EYS: variants seen among roughly 807,000 people sequenced by gnomAD.
EYS encodes protein eyes shut homolog.
A neutral mutation model predicts 282.1 loss-of-function variants in EYS; 250 were observed. The observed-to-expected ratio is 0.89, with a 90% confidence interval of 0.80 to 0.98. The LOEUF is 0.98. Ranked by LOEUF, EYS falls within the 50% of genes least tolerant of loss-of-function variation. EYS has a pLI of 0.00. For synonymous variants in EYS, 1,355 were observed against 1,282.9 expected, an observed-to-expected ratio of 1.06 and a Z score of -1.20; for missense variants, 4,016 against 3,709.0, an observed-to-expected ratio of 1.08 and a Z score of -2.15.
At chr6:64,431,964 G>A (rs1011476006) in intron 28 of EYS, among the ~76,000 whole-genome samples, 1 of 152,048 alleles carries the variant, frequency 6.6e-6, no homozygotes, top group Non-Finnish European at 1.5e-5. Flanking sequence ...GTCATTTACT[G>A]TTTATATAAA....
At chr6:65,000,419 CTGAA>C (rs1314513801) in intron 13 of EYS, among the ~76,000 whole-genome samples, 3 of 152,216 alleles carry the variant, frequency 2.0e-5, no homozygotes, top group Admixed American at 6.5e-5. Context: ...ACTGGTTGTA[CTGAA>C]TGAAAGTTTG....
chr6:65,310,939 G>T (rs1489235357), intron 11 of EYS, among the ~76,000 whole-genome samples: 1 of 151,930 alleles, frequency 6.6e-6, no homozygotes, highest in Non-Finnish European at 1.5e-5. Flanking sequence ...TTACTAGAAG[G>T]TTAGTTCTGT....
chr6:64,350,073 G>A (rs2150402571), intron 29 of EYS, among the ~76,000 whole-genome samples: 1 of 151,500 alleles, frequency 6.6e-6, no homozygotes, highest in Middle Eastern at 3.4e-3. Context: ...TGTAACTCTA[G>A]ATTCTGTATT....
At chr6:65,283,100 C>T (rs1291969354) in intron 12 of EYS, among the ~76,000 whole-genome samples, 2 of 151,896 alleles carry the variant, frequency 1.3e-5, no homozygotes, top group African/African-American at 2.4e-5. Flanking sequence ...TAATATACTA[C>T]ATTTTCAACT....
Position 65,435,105 on chromosome 6 carries a change from G to GA in EYS, c.863-29739dup, listed in dbSNP as rs944182071. ...ATAAGATATTTTCTATCTGATTTAA[G>GA]AAAAAAAATTGAAAGACAAATTACT... is the stretch of plus-strand genomic sequence containing the variant. On this transcript the variant is annotated intron_variant, in intron 5 of 42. Coordinates refer to ENST00000503581, the MANE Select transcript of EYS (RefSeq NM_001142800.2). Among the ~76,000 whole-genome samples, 5 of 151,084 alleles carry GA rather than the reference G, an allele frequency of 3.3e-5. No homozygotes were observed. The East Asian group carries it at 9.8e-4, about 29-fold the overall frequency.
intron 14 of EYS, among the ~76,000 whole-genome samples, chr6:64,991,177 A>C (rs1771050139): frequency 1.3e-5 from 2 of 151,696 alleles, no homozygotes; most frequent in East Asian, 3.9e-4. Flanking sequence ...ATAGTTATAA[A>C]TGTAACATTA....
At chr6:64,823,253 A>G (rs1764952766) in intron 19 of EYS, among the ~76,000 whole-genome samples, 1 of 151,880 alleles carries the variant, frequency 6.6e-6, no homozygotes, top group South Asian at 2.1e-4. Flanking sequence ...GGGCTCCCTG[A>G]GATTTCTAAA....
intron 35 of EYS, among the ~76,000 whole-genome samples, chr6:63,921,417 G>C (rs1266375861): frequency 6.6e-6 from 1 of 152,210 alleles, no homozygotes; most frequent in East Asian, 1.9e-4. Flanking sequence ...TTGCATTTCT[G>C]CATGTCATTA....
chr6:63,912,981 G>A (rs1764308232), intron 35 of EYS, among the ~76,000 whole-genome samples: 1 of 152,138 alleles, frequency 6.6e-6, no homozygotes, highest in South Asian at 2.1e-4. Flanking sequence ...AATACAGTGA[G>A]GTTAGCAGAT....
intron 26 of EYS, among the ~76,000 whole-genome samples, chr6:64,444,619 C>A (rs1185166655): frequency 6.6e-6 from 1 of 152,102 alleles, no homozygotes; most frequent in Non-Finnish European, 1.5e-5. Flanking sequence ...ATTCCAAGAA[C>A]CTAGCATGAT....
chr6:64,856,713 G>T (rs1766073805), intron 19 of EYS, among the ~76,000 whole-genome samples: 1 of 151,948 alleles, frequency 6.6e-6, no homozygotes, highest in Non-Finnish European at 1.5e-5. Flanking sequence ...CTCATTTTGT[G>T]CTTGTCTTTT....
Position 64,411,223 on chromosome 6 carries a change from T to A in EYS, c.5928-22383A>T, listed in dbSNP as rs548389051. Reference sequence around the variant, plus strand: ...CATTCACAAATTATAAAATAATGGTTTATATTAGAAGTTAGAGAGAAAATG... The same window carrying A: ...CATTCACAAATTATAAAATAATGGTATATATTAGAAGTTAGAGAGAAAATG... On this transcript the variant is annotated intron_variant, in intron 28 of 42. Transcript: ENST00000503581. Among the ~76,000 whole-genome samples, 4 of 152,206 alleles carry A rather than the reference T, an allele frequency of 2.6e-5. No individual in the cohort carries two copies. The South Asian group carries it at 8.3e-4, about 32-fold the overall frequency.
intron 31 of EYS, among the ~76,000 whole-genome samples, chr6:64,129,856 C>T (rs1052452694): frequency 2.6e-5 from 4 of 152,134 alleles, no homozygotes; most frequent in African/African-American, 9.7e-5. Flanking sequence ...TATGGCTAGC[C>T]AGCTTTCCCA....
chr6:65,046,533 A>G (rs370932494), intron 13 of EYS, among the ~76,000 whole-genome samples: 41 of 151,804 alleles, frequency 2.7e-4, no homozygotes, highest in Admixed American at 9.2e-4. Flanking sequence ...CATGTTTCAT[A>G]TGGTCAATGT....
intron 12 of EYS, among the ~76,000 whole-genome samples, chr6:65,082,247 A>AT (rs1774248757): frequency 6.6e-6 from 1 of 152,072 alleles, no homozygotes; most frequent in South Asian, 2.1e-4. Flanking sequence ...CATTCACCTG[A>AT]TTGCCATACC....
intron 2 of EYS, among the ~76,000 whole-genome samples, chr6:65,572,060 C>G (rs1764496271): frequency 6.6e-6 from 1 of 151,982 alleles, no homozygotes; most frequent in Non-Finnish European, 1.5e-5. Flanking sequence ...AATATCAAAA[C>G]ATGAAAAGCT....
intron 1 of EYS, among the ~76,000 whole-genome samples, chr6:65,654,965 C>A (rs71572542): frequency 8.1e-6 from 1 of 123,830 alleles, no homozygotes; most frequent in African/African-American, 3.1e-5. Flanking sequence ...CCTGAAGAGT[C>A]TGGGTCATTC....
intron 1 of EYS, among the ~76,000 whole-genome samples, chr6:65,658,752 T>C (rs1448894682): frequency 2.0e-5 from 3 of 151,688 alleles, no homozygotes; most frequent in South Asian, 2.1e-4. Flanking sequence ...CCTAACTTTA[T>C]ATGGAGCATC....
intron 5 of EYS, among the ~76,000 whole-genome samples, chr6:65,453,568 A>G (rs1460736871): frequency 6.6e-6 from 1 of 151,976 alleles, no homozygotes; most frequent in Non-Finnish European, 1.5e-5. Context: ...TTTGTAATAT[A>G]CAATATTAAA....
Sources: allele counts gnomAD v4.1 joint callset (sites outside exome capture counted in the v4.1 genomes callset), GRCh38; gene constraint gnomAD v4.1.1; transcripts MANE v1.5; gene names NCBI Gene and HGNC (gene_info 2026-07-23, HGNC 2026-07-21).